Variants in ANGPT1 observed in about 807,000 individuals in gnomAD.
ANGPT1 encodes the protein angiopoietin-1.
ANGPT1 carries 17 observed loss-of-function variants against 62.2 expected under a neutral mutation model. That is an observed-to-expected ratio of 0.27 (90% CI 0.19 to 0.41). The LOEUF is 0.41. ANGPT1 is among the 10% of genes least tolerant of loss of function. The probability of loss-of-function intolerance (pLI) is 1.00; values close to 1 mark genes in which losing one functional copy is unlikely to be tolerated. For missense variants in ANGPT1, 478 were observed against 594.9 expected, an observed-to-expected ratio of 0.80 and a Z score of 2.04; for synonymous variants, 199 against 198.9, an observed-to-expected ratio of 1.00 and a Z score of 0.00.
chr8:107,367,213 T>A (rs2916079), intron 1 of ANGPT1, among the ~76,000 whole-genome samples: 2 of 152,064 alleles, frequency 1.3e-5, no homozygotes. Flanking sequence ...ACTCATACAA[T>A]CTTTTTGGTT....
intron 1 of ANGPT1, among the ~76,000 whole-genome samples, chr8:107,471,383 A>G (rs1479855449): frequency 6.6e-6 from 1 of 152,066 alleles, no homozygotes; most frequent in Non-Finnish European, 1.5e-5. Flanking sequence ...GGAGGGGAAC[A>G]TCACACACTG....
At chr8:107,317,845 G>A (rs893736959) in intron 4 of ANGPT1, among the ~76,000 whole-genome samples, 3 of 151,982 alleles carry the variant, frequency 2.0e-5, no homozygotes, top group African/African-American at 7.2e-5. Context: ...TGGCCAAGCT[G>A]GTCTTGAACT....
intron 5 of ANGPT1, 50 bp downstream of exon 5, chr8:107,303,190 T>C: frequency 1.3e-6 from 2 of 1,593,900 alleles, no homozygotes; most frequent in Non-Finnish European, 1.7e-6. Context: ...TATCCAGCAA[T>C]TCAACTGGGA....
At chr8:107,336,529 G>T in intron 2 of ANGPT1, 1 of 315,362 alleles carries the variant, frequency 3.2e-6, no homozygotes, top group Non-Finnish European at 5.3e-6. Context: ...GCCGGGCGTG[G>T]TAGCGGGCGC....
intron 4 of ANGPT1, among the ~76,000 whole-genome samples, chr8:107,315,359 C>T (rs1037555590): frequency 2.0e-5 from 3 of 152,008 alleles, no homozygotes. Flanking sequence ...CGTGTGCCTC[C>T]CTACTTAAAG....
intron 1 of ANGPT1, among the ~76,000 whole-genome samples, chr8:107,459,687 C>T (rs750084086): frequency 6.6e-5 from 10 of 152,172 alleles, no homozygotes; most frequent in Non-Finnish European, 1.0e-4. Context: ...TAGACTTCTT[C>T]GGTACATGGT....
At chr8:107,454,859 G>A (rs1018845325) in intron 1 of ANGPT1, among the ~76,000 whole-genome samples, 1 of 151,996 alleles carries the variant, frequency 6.6e-6, no homozygotes, top group African/African-American at 2.4e-5. Context: ...TGCTCTTATT[G>A]AGAAGGCAAA....
chr8:107,408,931 A>T (rs1204172347), intron 1 of ANGPT1, among the ~76,000 whole-genome samples: 1 of 152,230 alleles, frequency 6.6e-6, no homozygotes, highest in Non-Finnish European at 1.5e-5. Context: ...AAAGTATTAC[A>T]GGCAGCAGAA....
At chr8:107,294,174 AT>A in intron 5 of ANGPT1, 137 bp from the exon 6 acceptor site, 1 of 524,904 alleles carries the variant, frequency 1.9e-6, no homozygotes, top group Non-Finnish European at 3.3e-6. Context: ...AACAATGTTA[AT>A]TTAGATATAT....
chr8:107,369,066 T>A lies in ANGPT1; in HGVS notation c.298-21969A>T, dbSNP rs1197866611. On this transcript the variant is annotated intron_variant, in intron 1 of 8. Coordinates refer to ENST00000517746, the MANE Select transcript of ANGPT1 (RefSeq NM_001146.5). ...CTAGTTACACAAGTCCTAGAAAGCATCTTCCTCAATATAAAGTTGTTTCAC... is the reference window on the plus strand; with the variant it reads ...CTAGTTACACAAGTCCTAGAAAGCAACTTCCTCAATATAAAGTTGTTTCAC... 1.7e-4 allele frequency among the ~76,000 whole-genome samples: 26 copies of A among 152,172 alleles called. 1 individual carries two copies. Among genetic ancestry groups the A allele is most frequent in the Non-Finnish European group, 8.8e-5 (6 of 68,048 alleles).
Position 107,497,238 on chromosome 8 carries a change from T to C in ANGPT1, c.297+24A>G, listed in dbSNP as rs542343738. On this transcript the variant is annotated intron_variant, in intron 1 of 8. Coordinates refer to ENST00000517746, the MANE Select transcript of ANGPT1 (RefSeq NM_001146.5). The stretch of plus-strand genomic sequence containing the variant: ...AAGAAAGGAAAAAGGTCCGTGCTAT[T>C]AGAAACTGAAAGCAATCACTTACTT... The C allele has an allele frequency of 1.9e-5, 30 of 1,609,648 alleles. No homozygotes were observed. In the South Asian group the frequency reaches 3.1e-4, roughly 17 times the overall value.
chr8:107,461,186 T>C (rs983096529), intron 1 of ANGPT1, among the ~76,000 whole-genome samples: 4 of 152,206 alleles, frequency 2.6e-5, no homozygotes, highest in African/African-American at 9.6e-5. Context: ...CATTTCAGGC[T>C]TGACCTACAG....
At chr8:107,300,038 TAA>T (rs1491427607) in intron 5 of ANGPT1, among the ~76,000 whole-genome samples, 2 of 142,896 alleles carry the variant, frequency 1.4e-5, no homozygotes, top group African/African-American at 2.5e-5. Flanking sequence ...TATCTAGATA[TAA>T]CTATATATAT....
chr8:107,265,401 G>A (rs1171388589), intron 7 of ANGPT1, among the ~76,000 whole-genome samples: 2 of 152,160 alleles, frequency 1.3e-5, no homozygotes, highest in Non-Finnish European at 2.9e-5. Context: ...CCTACTGATC[G>A]TACAAGCTGC....
chr8:107,294,517 A>G (rs1423052766), intron 5 of ANGPT1: 1 of 152,596 alleles, frequency 6.6e-6, no homozygotes, highest in African/African-American at 2.4e-5. Flanking sequence ...CACATATTTC[A>G]TTGCCTATCA....
intron 1 of ANGPT1, among the ~76,000 whole-genome samples, chr8:107,396,978 C>A (rs1477646746): frequency 6.6e-6 from 1 of 151,990 alleles, no homozygotes; most frequent in Non-Finnish European, 1.5e-5. Context: ...GGGATGTGAA[C>A]AAATGTTGAG....
chr8:107,329,891 A>G (rs1815380788), intron 3 of ANGPT1, among the ~76,000 whole-genome samples: 1 of 152,114 alleles, frequency 6.6e-6, no homozygotes, highest in African/African-American at 2.4e-5. Flanking sequence ...GGATATAGAT[A>G]AATAAACATG....
intron 1 of ANGPT1, among the ~76,000 whole-genome samples, chr8:107,374,151 C>A (rs993816467): frequency 2.6e-5 from 4 of 152,114 alleles, no homozygotes; most frequent in Admixed American, 1.3e-4. Flanking sequence ...GGCTTGCCAA[C>A]CTTTTTTTAT....
intron 1 of ANGPT1, among the ~76,000 whole-genome samples, chr8:107,418,344 G>C (rs1810807891): frequency 6.6e-6 from 1 of 152,038 alleles, no homozygotes; most frequent in South Asian, 2.1e-4. Context: ...GCCTTTCTTT[G>C]GACACCATCA....
Sources: gnomAD v4.1 joint callset for allele counts (sites outside exome capture counted in the v4.1 genomes callset) on GRCh38, gnomAD v4.1.1 for gene constraint, MANE v1.5 for transcripts, NCBI Gene and HGNC (gene_info 2026-07-23, HGNC 2026-07-21) for gene names.